The following FANK1 variants were observed in gnomAD, a reference collection of about 807,000 sequenced individuals.
FANK1 encodes the protein fibronectin type 3 and ankyrin repeat domains protein 1.
A neutral mutation model predicts 45.3 loss-of-function variants in FANK1; 44 were observed. That is an observed-to-expected ratio of 0.97 (90% CI 0.76 to 1.25). FANK1 has a LOEUF of 1.25. Among genes scored for constraint, FANK1 ranks in the 50% most tolerant of loss-of-function variants. The probability of loss-of-function intolerance (pLI) is 0.00; values close to 1 mark genes in which losing one functional copy is unlikely to be tolerated. For synonymous variants in FANK1, 149 were observed against 152.5 expected (o/e 0.98, Z 0.17); for missense variants, 391 against 424.4 (o/e 0.92, Z 0.69).
chr10:126,009,319 A>AG, intron 10 of FANK1, 53 bp downstream of exon 10: 1 of 1,614,108 alleles, frequency 6.2e-7, no homozygotes. Flanking sequence ...TTCTAGACTC[A>AG]GAAAAACCAC....
intron 1 of FANK1, among the ~76,000 whole-genome samples, chr10:125,944,419 C>G (rs1589968969): frequency 2.6e-5 from 4 of 152,318 alleles, no homozygotes; most frequent in African/African-American, 9.6e-5. Context: ...ATTTCTGTTA[C>G]TTGAAGAACA....
intron 1 of FANK1, among the ~76,000 whole-genome samples, chr10:125,958,338 G>A (rs1050861909): frequency 6.6e-6 from 1 of 152,146 alleles, no homozygotes; most frequent in Non-Finnish European, 1.5e-5. Context: ...AATTTAAAAA[G>A]AGGCTTAATT....
chr10:125,992,831 G>A (rs934047592), intron 3 of FANK1, among the ~76,000 whole-genome samples: 3 of 152,020 alleles, frequency 2.0e-5, no homozygotes, highest in African/African-American at 7.3e-5. Flanking sequence ...CAAGCAGTTA[G>A]CACGTTTTGG....
intron 1 of FANK1, among the ~76,000 whole-genome samples, chr10:125,930,867 C>T (rs1947706500): frequency 6.6e-6 from 1 of 152,110 alleles, no homozygotes; most frequent in South Asian, 2.1e-4. Context: ...TCCTTGCCCC[C>T]TCCACACCCT....
At chr10:125,985,983 G>A (rs1024921593) in intron 2 of FANK1, among the ~76,000 whole-genome samples, 6 of 151,994 alleles carry the variant, frequency 3.9e-5, no homozygotes, top group Non-Finnish European at 7.4e-5. Context: ...GAAACTTCTG[G>A]GCATCTTAAG....
At chr10:125,907,361 C>G (rs1945610403) in intron 1 of FANK1, 13 of 367,250 alleles carry the variant, frequency 3.5e-5, no homozygotes, top group Non-Finnish European at 4.9e-5. Context: ...CAAACAACAA[C>G]AAGTATTTAT....
At chr10:125,997,378 C>G (rs1433209948) in intron 5 of FANK1, 42 bp from the exon 6 acceptor site, 9 of 1,563,390 alleles carry the variant, frequency 5.8e-6, no homozygotes, top group African/African-American at 1.4e-5. Context: ...TCTGAGTGAT[C>G]AAGGTGACTT....
chr10:125,986,915 C>G (rs1254483671), intron 2 of FANK1, among the ~76,000 whole-genome samples: 2 of 152,184 alleles, frequency 1.3e-5, no homozygotes, highest in African/African-American at 4.8e-5. Flanking sequence ...TGTTCTTTAG[C>G]CACACACTTT....
intron 1 of FANK1, among the ~76,000 whole-genome samples, chr10:125,974,533 C>T (rs1028054516): frequency 6.6e-5 from 10 of 152,180 alleles, no homozygotes; most frequent in Non-Finnish European, 1.5e-4. Flanking sequence ...GGAGACAAAA[C>T]TAACATAGAA....
chr10:125,919,808 A>G (rs1261540224), intron 1 of FANK1, among the ~76,000 whole-genome samples: 5 of 152,136 alleles, frequency 3.3e-5, no homozygotes, highest in Non-Finnish European at 7.4e-5. Context: ...GCAGCCCAAA[A>G]ACTCTAGATG....
At chr10:125,939,948 T>G (rs1295658373) in intron 1 of FANK1, among the ~76,000 whole-genome samples, 5 of 151,582 alleles carry the variant, frequency 3.3e-5, no homozygotes, top group Non-Finnish European at 7.4e-5. Flanking sequence ...TTTTTTTTTT[T>G]GAGACAGAGT....
intron 1 of FANK1, among the ~76,000 whole-genome samples, chr10:125,956,596 T>C (rs993691049): frequency 6.6e-6 from 1 of 152,210 alleles, no homozygotes; most frequent in Admixed American, 6.5e-5. Context: ...ATTTATTGTA[T>C]AGGTTTTTAA....
intron 1 of FANK1, among the ~76,000 whole-genome samples, chr10:125,945,275 G>T (rs540910555): frequency 6.6e-6 from 1 of 152,162 alleles, no homozygotes; most frequent in African/African-American, 2.4e-5. Context: ...GAACAGCTCC[G>T]GTCTACAGCT....
chr10:125,959,649 A>G (rs1356265900), intron 1 of FANK1, among the ~76,000 whole-genome samples: 2 of 152,172 alleles, frequency 1.3e-5, no homozygotes, highest in Admixed American at 6.5e-5. Flanking sequence ...TCAAGGCATC[A>G]GTTAATTAGT....
chr10:125,896,841 C>T (rs1944569364), intron 1 of FANK1, among the ~76,000 whole-genome samples, 186 bp downstream of exon 1: 1 of 152,286 alleles, frequency 6.6e-6, no homozygotes. Flanking sequence ...CCTGCCAAGT[C>T]TGTATGGTTG....
At chr10:126,002,897 A>G (rs1952884130) in intron 6 of FANK1, among the ~76,000 whole-genome samples, 1 of 151,120 alleles carries the variant, frequency 6.6e-6, no homozygotes, top group Admixed American at 6.6e-5. Flanking sequence ...ATCGTGTCAT[A>G]TCACTTCTAA....
chr10:125,988,699 T>A (rs770701558), intron 3 of FANK1, 24 bp downstream of exon 3: 8 of 1,614,156 alleles, frequency 5.0e-6, no homozygotes, highest in Non-Finnish European at 5.9e-6. Context: ...CCGTCCACAC[T>A]CACCTCTCTC....
In FANK1 at chr10:126,008,448, G is replaced by A; in HGVS notation, c.747G>A (p.Met249Ile). Residue 249 changes from methionine (M) to isoleucine (I), a missense_variant, in exon 8 of 11, where the codon ATG becomes ATA. Met to Ile is a conservative substitution (Grantham distance 10, BLOSUM62 1). Coordinates refer to ENST00000368693, the MANE Select transcript of FANK1 (RefSeq NM_145235.5). ...CTGGTTCAGGATGGACCCCACTCATGAGAGTCTCTGCGGTGTCGGGAAATC... is the reference window on the plus strand; with the variant it reads ...CTGGTTCAGGATGGACCCCACTCATAAGAGTCTCTGCGGTGTCGGGAAATC... Reference protein sequence around the residue: ...VDTGSGWTPLMRVSAVSGNQR... With the variant: ...VDTGSGWTPLIRVSAVSGNQR... The A allele has an allele frequency of 1.2e-6, 2 of 1,613,310 alleles. No individual in the cohort carries two copies. The highest frequency in any genetic ancestry group is 1.7e-6 in the Non-Finnish European group (2 of 1,179,618).
At chr10:125,926,253 C>T (rs1173601499) in intron 1 of FANK1, among the ~76,000 whole-genome samples, 1 of 152,170 alleles carries the variant, frequency 6.6e-6, no homozygotes, top group Non-Finnish European at 1.5e-5. Flanking sequence ...CTCAGTTTCT[C>T]CCAATGGTAA....
Sources: allele counts gnomAD v4.1 joint callset (sites outside exome capture counted in the v4.1 genomes callset), GRCh38; gene constraint gnomAD v4.1.1; transcripts MANE v1.5; gene names NCBI Gene and HGNC (gene_info 2026-07-23, HGNC 2026-07-21).